The following IQCH variants were observed in gnomAD, a reference collection of about 807,000 sequenced individuals.
The protein encoded by IQCH is IQ domain-containing protein H.
A neutral mutation model predicts 117.0 loss-of-function variants in IQCH; 98 were observed. The observed-to-expected ratio is 0.84, with a 90% CI of 0.71 to 0.99. The LOEUF is 0.99. Among genes scored for constraint, IQCH ranks in the 50% least tolerant of loss-of-function variants. IQCH has a pLI of 0.00. For synonymous variants in IQCH, 412 were observed against 448.2 expected, an observed-to-expected ratio of 0.92 and a Z score of 1.02; for missense variants, 1,102 against 1,243.8, an observed-to-expected ratio of 0.89 and a Z score of 1.72.
intron 6 of IQCH, among the ~76,000 whole-genome samples, chr15:67,349,157 T>A: frequency 6.6e-6 from 1 of 152,346 alleles, no homozygotes; most frequent in South Asian, 2.1e-4. Context: ...TATAAAACTT[T>A]TGGAAGAAAA....
chr15:67,304,380 A>G, intron 4 of IQCH: 1 of 1,534,620 alleles, frequency 6.5e-7, no homozygotes, highest in Non-Finnish European at 8.7e-7. Context: ...AGGATCCTGA[A>G]AACATCCACC....
In IQCH at chr15:67,494,399, A is replaced by T; in HGVS notation, c.2970+33A>T. 1 of 1,445,490 alleles carries T rather than the reference A, an allele frequency of 6.9e-7. No homozygotes were observed. Among genetic ancestry groups the T allele is most frequent in the Non-Finnish European group, 9.7e-7 (1 of 1,034,952 alleles). 89.5% of individuals were successfully genotyped at this position (1,445,490 alleles called of 1,614,324 possible). A position where few individuals can be genotyped will look rare whatever the true frequency, so the allele number is the denominator to read the frequency against. On this transcript the variant is annotated intron_variant, in intron 20 of 20. Coordinates refer to ENST00000335894, the MANE Select transcript of IQCH (RefSeq NM_001031715.3). The surrounding 1 kb of genome is among the most constrained non-coding windows in gnomAD (Gnocchi z 5.5). ...GTTAATTAACTAACGATTCTGGTTA[A>T]TTTCTATACAAGGGCTGAAAATACC...
In IQCH at chr15:67,490,626, A is replaced by C. The variant is rs1210035306; in HGVS notation, c.2861+562A>C. ...ACATATTATACCCAAATGCATACAC[A>C]GATAAGGCACATCAGATCTCACTGA... On this transcript the variant is annotated intron_variant, in intron 19 of 20. Coordinates refer to ENST00000335894, the MANE Select transcript of IQCH (RefSeq NM_001031715.3). The surrounding 1 kb of genome is among the most constrained non-coding windows in gnomAD (Gnocchi z 4.9). 1.3e-5 allele frequency among the ~76,000 whole-genome samples: 2 copies of C among 152,262 alleles called. No homozygotes were observed. Among genetic ancestry groups the C allele is most frequent in the Admixed American group, 6.5e-5 (1 of 15,290 alleles).
At chr15:67,434,446 G>A (rs1468570507) in intron 16 of IQCH, among the ~76,000 whole-genome samples, 2 of 152,096 alleles carry the variant, frequency 1.3e-5, no homozygotes, top group Admixed American at 6.5e-5. Flanking sequence ...ATTCCAATGT[G>A]TATATACATG....
Position 67,407,112 on chromosome 15 carries a change from TC to T in IQCH, c.2097+6809del, listed in dbSNP as rs1684142517. Reference sequence around the variant, plus strand: ...GTTGAAGATACAGAATGTTGGTTGATCCAGTTGTTCCCAGCCTATGCTTTAC... The same window carrying T: ...GTTGAAGATACAGAATGTTGGTTGATCAGTTGTTCCCAGCCTATGCTTTAC... On this transcript the variant is annotated intron_variant, in intron 14 of 20. Coordinates refer to ENST00000335894, the MANE Select transcript of IQCH (RefSeq NM_001031715.3). The surrounding 1 kb of genome is among the most constrained non-coding windows in gnomAD (Gnocchi z 5.3). 6.6e-6 allele frequency: 1 copy of T among 152,182 alleles called. No individual in the cohort carries two copies. Among genetic ancestry groups the T allele is most frequent in the Non-Finnish European group, 1.5e-5 (1 of 68,026 alleles). The allele number at this position is 152,182 out of a possible 1,614,324, so 9.4% of individuals were successfully genotyped here. A position where few individuals can be genotyped will look rare whatever the true frequency, so the allele number is the denominator to read the frequency against.
intron 6 of IQCH, among the ~76,000 whole-genome samples, chr15:67,355,832 A>G (rs994341602): frequency 1.3e-5 from 2 of 152,200 alleles, no homozygotes; most frequent in Admixed American, 6.5e-5. Flanking sequence ...TAGTGATAGC[A>G]TTTCTGCAGA....
intron 4 of IQCH, among the ~76,000 whole-genome samples, chr15:67,316,009 A>C (rs1236241590): frequency 6.6e-6 from 1 of 152,214 alleles, no homozygotes; most frequent in Non-Finnish European, 1.5e-5. Flanking sequence ...ACCAGGAGTT[A>C]CTTTTAGAGA....
intron 8 of IQCH, among the ~76,000 whole-genome samples, chr15:67,368,360 C>G (rs78739202): frequency 0.012 from 1,765 of 152,272 alleles, 34 homozygotes; most frequent in African/African-American, 0.041. Context: ...ACAATTCTAG[C>G]CAGCTGAGGT....
intron 18 of IQCH, among the ~76,000 whole-genome samples, chr15:67,477,860 A>C (rs1161318268): frequency 6.6e-6 from 1 of 152,174 alleles, no homozygotes. Flanking sequence ...TTAGAGATTT[A>C]TTTCTTGGGC....
At chr15:67,412,410 T>G (rs368339207) in intron 14 of IQCH, among the ~76,000 whole-genome samples, 36 of 152,228 alleles carry the variant, frequency 2.4e-4, no homozygotes, top group East Asian at 1.7e-3. Flanking sequence ...TTGTCTTTTT[T>G]TTTGTTTGTT....
chr15:67,447,926 C>T lies in IQCH; in HGVS notation c.2506-17201C>T, dbSNP rs974558465. ...TCCAGATCATGACTGCTTATGGTGGCCCATATATTAACCCTCACTGGGCAT... is the reference window on the plus strand; with the variant it reads ...TCCAGATCATGACTGCTTATGGTGGTCCATATATTAACCCTCACTGGGCAT... On this transcript the variant is annotated intron_variant, in intron 16 of 20. Coordinates refer to ENST00000335894, the MANE Select transcript of IQCH (RefSeq NM_001031715.3). This position sits in a 1 kb window ranked among gnomAD's most constrained non-coding sequence, Gnocchi z 5.3. 1.3e-5 allele frequency among the ~76,000 whole-genome samples: 2 copies of T among 152,148 alleles called. No individual in the cohort carries two copies. Among genetic ancestry groups the T allele is most frequent in the African/African-American group, 4.8e-5 (2 of 41,440 alleles).
chr15:67,349,448 G>A (rs550183033), intron 6 of IQCH, among the ~76,000 whole-genome samples: 12 of 151,974 alleles, frequency 7.9e-5, no homozygotes, highest in Admixed American at 3.3e-4. Flanking sequence ...GTGAAACCCC[G>A]TCTCTACTAA....
At chr15:67,255,253 G>A (rs1177991013) in intron 1 of IQCH, 3 of 437,876 alleles carry the variant, frequency 6.9e-6, no homozygotes, top group Non-Finnish European at 1.2e-5. Flanking sequence ...ATTTTTAAAT[G>A]TTATATTCTG....
intron 6 of IQCH, among the ~76,000 whole-genome samples, chr15:67,355,319 G>T (rs1969843862): frequency 6.6e-6 from 1 of 152,120 alleles, no homozygotes; most frequent in Admixed American, 6.5e-5. Context: ...GGGCGCGGTG[G>T]CTCACGCCTG....
intron 4 of IQCH, among the ~76,000 whole-genome samples, chr15:67,287,864 T>A (rs1966619658): frequency 6.6e-6 from 1 of 152,060 alleles, no homozygotes; most frequent in South Asian, 2.1e-4. Context: ...TTTTTGGATG[T>A]AGTTGCTTAT....
chr15:67,488,522 C>T (rs867483090), intron 18 of IQCH, among the ~76,000 whole-genome samples: 1 of 152,140 alleles, frequency 6.6e-6, no homozygotes, highest in Non-Finnish European at 1.5e-5. Context: ...CTATCAGTTA[C>T]CTATACTTTA....
intron 14 of IQCH, among the ~76,000 whole-genome samples, chr15:67,409,897 A>G (rs1335705128): frequency 6.6e-6 from 1 of 152,226 alleles, no homozygotes; most frequent in Non-Finnish European, 1.5e-5. Context: ...TAAATTCTCA[A>G]TTAACAATTA....
Position 67,340,452 on chromosome 15 carries a change from A to AAAAAAAAAAAAAAAC in IQCH, c.508+3369_508+3370insAACAAAAAAAAAAAA, listed in dbSNP as rs1567110048. On this transcript the variant is annotated intron_variant, in intron 5 of 20. Transcript: ENST00000335894. ...AAAAAAAAAAAAAAAAAAAAAAAAAAAAAAAAAAAAAACAGTAACTTGTCA... is the reference window on the plus strand; with the variant it reads ...AAAAAAAAAAAAAAAAAAAAAAAAAAAAAAAAAAAAAAAACAAAAAAAAAAAACAGTAACTTGTCA... 3.4e-5 allele frequency among the ~76,000 whole-genome samples: 4 copies of AAAAAAAAAAAAAAAC among 116,214 alleles called. 1 individual carries two copies. Among genetic ancestry groups the AAAAAAAAAAAAAAAC allele is most frequent in the Admixed American group, 1.1e-4 (1 of 9,380 alleles). The allele number at this position is 116,214 out of a possible 152,430, so 76.2% of individuals were successfully genotyped here.
intron 4 of IQCH, among the ~76,000 whole-genome samples, chr15:67,323,789 A>G (rs976303074): frequency 1.3e-5 from 2 of 152,118 alleles, no homozygotes; most frequent in African/African-American, 4.8e-5. Context: ...TAAAATGCAC[A>G]CTGTATAATA....
Sources: gnomAD v4.1 joint callset for allele counts (sites outside exome capture counted in the v4.1 genomes callset) on GRCh38, gnomAD v4.1.1 for gene constraint, Gnocchi (gnomAD v3.1) non-coding constraint, MANE v1.5 for transcripts, NCBI Gene and HGNC (gene_info 2026-07-23, HGNC 2026-07-21) for gene names.